Variants in PXDNL observed in about 807,000 individuals in gnomAD.
The protein encoded by PXDNL is peroxidasin like, also known as probable oxidoreductase PXDNL.
A neutral mutation model predicts 150.8 loss-of-function variants in PXDNL; 145 were observed. That is an observed-to-expected ratio of 0.96 (90% CI 0.84 to 1.10). The LOEUF (loss-of-function observed/expected upper bound fraction) is 1.10, where lower values mean the gene tolerates loss of function less well. PXDNL is among the 50% of genes least tolerant of loss of function. The pLI, the probability that PXDNL is intolerant of heterozygous loss-of-function variation, is 0.00. For synonymous variants in PXDNL, 757 were observed against 725.7 expected, an observed-to-expected ratio of 1.04 and a Z score of -0.69; for missense variants, 2,087 against 1,873.9, an observed-to-expected ratio of 1.11 and a Z score of -2.10.
chr8:51,478,063 G>A (rs900731101), intron 6 of PXDNL, among the ~76,000 whole-genome samples: 2 of 151,986 alleles, frequency 1.3e-5, no homozygotes, highest in Non-Finnish European at 2.9e-5. Context: ...ATGATAATCT[G>A]AGTAATCTTT....
At chr8:51,753,429 G>A (rs1195337281) in intron 1 of PXDNL, among the ~76,000 whole-genome samples, 2 of 152,138 alleles carry the variant, frequency 1.3e-5, no homozygotes, top group Non-Finnish European at 2.9e-5. Context: ...TCTACCAGTT[G>A]GAGGATGAGA....
chr8:51,788,696 C>T (rs567546940), intron 1 of PXDNL, among the ~76,000 whole-genome samples: 7 of 152,312 alleles, frequency 4.6e-5, no homozygotes, highest in African/African-American at 1.4e-4. Context: ...CTGCTCAGGA[C>T]CACCTGTGAA....
intron 5 of PXDNL, among the ~76,000 whole-genome samples, chr8:51,484,613 G>T (rs950458558): frequency 6.6e-6 from 1 of 152,134 alleles, no homozygotes; most frequent in Admixed American, 6.5e-5. Flanking sequence ...TATGGTTACT[G>T]CTCAGCCAGC....
intron 1 of PXDNL, among the ~76,000 whole-genome samples, chr8:51,665,759 C>G (rs1815372071): frequency 6.6e-6 from 1 of 152,144 alleles, no homozygotes; most frequent in Admixed American, 6.5e-5. Flanking sequence ...GATAGCCAAG[C>G]TGGTCACTGT....
At chr8:51,644,893 T>C (rs1478847963) in intron 2 of PXDNL, among the ~76,000 whole-genome samples, 1 of 151,424 alleles carries the variant, frequency 6.6e-6, no homozygotes, top group African/African-American at 2.4e-5. Flanking sequence ...GGGACACGGA[T>C]CCATAGGTGG....
intron 3 of PXDNL, among the ~76,000 whole-genome samples, chr8:51,571,249 A>G (rs1247721246): frequency 1.3e-5 from 2 of 151,888 alleles, no homozygotes; most frequent in Non-Finnish European, 2.9e-5. Flanking sequence ...AAGAAGTTCA[A>G]TCATCATTTT....
intron 1 of PXDNL, among the ~76,000 whole-genome samples, chr8:51,804,997 G>T (rs962295860): frequency 6.6e-6 from 1 of 151,556 alleles, no homozygotes; most frequent in Admixed American, 6.6e-5. Flanking sequence ...CTTCCTTCCA[G>T]AACAGCCTCT....
At chr8:51,715,405 G>T (rs1816593822) in intron 1 of PXDNL, among the ~76,000 whole-genome samples, 1 of 152,194 alleles carries the variant, frequency 6.6e-6, no homozygotes, top group Admixed American at 6.5e-5. Context: ...AACTCTGACT[G>T]ACTCCACCAC....
intron 1 of PXDNL, among the ~76,000 whole-genome samples, chr8:51,710,114 T>C (rs1287293375): frequency 6.6e-6 from 1 of 152,254 alleles, no homozygotes; most frequent in East Asian, 1.9e-4. Context: ...CTTTCCCTTT[T>C]GTCTGCTCTG....
At chr8:51,500,879 T>A (rs1811163482) in intron 4 of PXDNL, among the ~76,000 whole-genome samples, 1 of 152,226 alleles carries the variant, frequency 6.6e-6, no homozygotes, top group Admixed American at 6.5e-5. Flanking sequence ...TTCATCACAG[T>A]TAGAAATATT....
At chr8:51,558,430 T>C (rs1812640985) in intron 3 of PXDNL, among the ~76,000 whole-genome samples, 1 of 152,056 alleles carries the variant, frequency 6.6e-6, no homozygotes, top group Non-Finnish European at 1.5e-5. Flanking sequence ...CCTTAGACTA[T>C]TAGAATGTTG....
At chr8:51,503,027 T>C (rs540505850) in intron 4 of PXDNL, among the ~76,000 whole-genome samples, 1 of 152,292 alleles carries the variant, frequency 6.6e-6, no homozygotes, top group African/African-American at 2.4e-5. Flanking sequence ...ATATTTACTA[T>C]GAATTGCTCA....
intron 2 of PXDNL, among the ~76,000 whole-genome samples, chr8:51,600,255 CAT>C (rs1487162706): frequency 4.5e-5 from 5 of 110,870 alleles, no homozygotes; most frequent in Admixed American, 3.7e-4. Context: ...AATTATATCT[CAT>C]ATAAATTATA....
chr8:51,565,282 CTAAATAAATAAATAAATAAA>C (rs60659791), intron 3 of PXDNL, among the ~76,000 whole-genome samples: 8 of 132,524 alleles, frequency 6.0e-5, no homozygotes, highest in African/African-American at 1.6e-4. Context: ...ATATCTTTTC[CTAAATAAATAAATAAATAAA>C]TAAATAAATA....
chr8:51,515,903 G>A (rs1415894852), intron 4 of PXDNL, among the ~76,000 whole-genome samples: 1 of 152,096 alleles, frequency 6.6e-6, no homozygotes, highest in East Asian at 1.9e-4. Context: ...AGATTTTAAA[G>A]TACTCGTCTG....
At chr8:51,744,645 T>G (rs1487791396) in intron 1 of PXDNL, among the ~76,000 whole-genome samples, 13 of 111,180 alleles carry the variant, frequency 1.2e-4, no homozygotes, top group African/African-American at 4.7e-4. Context: ...CACTGCACTC[T>G]AGCCTGGGTA....
intron 19 of PXDNL, among the ~76,000 whole-genome samples, chr8:51,351,346 T>C (rs1233646333): frequency 1.3e-5 from 2 of 152,186 alleles, no homozygotes; most frequent in Non-Finnish European, 2.9e-5. Flanking sequence ...AATGCCCTTA[T>C]AAATAGAAGA....
At chr8:51,806,797 G>A (rs1423309845) in intron 1 of PXDNL, among the ~76,000 whole-genome samples, 1 of 152,118 alleles carries the variant, frequency 6.6e-6, no homozygotes, top group Non-Finnish European at 1.5e-5. Context: ...AATTAGCTAA[G>A]TAACTGGCTG....
Position 51,608,338 on chromosome 8 carries a change from G to A in PXDNL, c.237-15640C>T, listed in dbSNP as rs1165195989. 2.1e-5 allele frequency among the ~76,000 whole-genome samples: 3 copies of A among 139,996 alleles called. 1 individual carries two copies. Among genetic ancestry groups the A allele is most frequent in the African/African-American group, 8.6e-5 (3 of 34,726 alleles). 91.8% of individuals were successfully genotyped at this position (139,996 alleles called of 152,430 possible). A position where few individuals can be genotyped will look rare whatever the true frequency, so the allele number is the denominator to read the frequency against. ...CGGGAGGCGGAGTTTGCAGTGAGCC[G>A]AGATTGCACCACTGCACTCCAGCCT... On this transcript the variant is annotated intron_variant, in intron 2 of 22. Coordinates refer to ENST00000356297, the MANE Select transcript of PXDNL (RefSeq NM_144651.5).
Sources: gnomAD v4.1 joint callset for allele counts (sites outside exome capture counted in the v4.1 genomes callset) on GRCh38, gnomAD v4.1.1 for gene constraint, MANE v1.5 for transcripts, NCBI Gene and HGNC (gene_info 2026-07-23, HGNC 2026-07-21) for gene names.